Variants in NVL observed in about 807,000 individuals in gnomAD.
NVL encodes the protein nuclear VCP like, also known as nuclear valosin-containing protein-like.
NVL carries 84 observed loss-of-function variants against 110.2 expected under a neutral mutation model. The observed-to-expected ratio is 0.76, with a 90% confidence interval of 0.64 to 0.91. The LOEUF is 0.91. Ranked by LOEUF, NVL falls within the 40% of genes least tolerant of loss-of-function variation. The probability of loss-of-function intolerance (pLI) is 0.00; values close to 1 mark genes in which losing one functional copy is unlikely to be tolerated. For missense variants in NVL, 882 were observed against 1,035.9 expected, an observed-to-expected ratio of 0.85 and a Z score of 2.04; for synonymous variants, 354 against 361.1, an observed-to-expected ratio of 0.98 and a Z score of 0.22.
At chr1:224,281,219 C>G (rs79564051) in intron 15 of NVL, 34 bp from the exon 16 acceptor site, 59 of 1,524,022 alleles carry the variant, frequency 3.9e-5, no homozygotes, top group Middle Eastern at 1.7e-4. Context: ...ACAAATAAGA[C>G]CAATACACAG....
chr1:224,305,318 C>T (rs1668809306), intron 6 of NVL, 152 bp from the exon 7 acceptor site: 5 of 693,832 alleles, frequency 7.2e-6, no homozygotes, highest in Admixed American at 3.1e-5. Flanking sequence ...CTCAAAGATG[C>T]TGTCTATTGT....
In NVL at chr1:224,289,647, C is replaced by A; in HGVS notation, c.1412G>T (p.Gly471Val). The change falls in exon 13 of 23, where the codon GGT (glycine) becomes GTT (valine). Residue 471 changes from glycine to valine, a missense_variant. By Grantham distance (109) the Gly-to-Val change is moderately radical. Around this residue, in one of 4 missense-constraint regions of NVL, gnomAD observed 416 missense variants for 499.3 expected, o/e 0.83. Coordinates refer to ENST00000281701, the MANE Select transcript of NVL (RefSeq NM_002533.4). ...TCGGCACAGTGCCATGAGATCAGCA[C>A]CAACAAAGCCTGGAGTTAGGTGTGC... The part of the protein sequence containing the change: ...HLAHLTPGFV[G>V]ADLMALCREA... 6.2e-7 allele frequency: 1 copy of A among 1,614,224 alleles called. No individual in the cohort carries two copies. The highest frequency in any genetic ancestry group is 8.5e-7 in the Non-Finnish European group (1 of 1,180,048).
chr1:224,254,878 T>G (rs906239321), intron 18 of NVL, among the ~76,000 whole-genome samples: 2 of 2,114 alleles, frequency 9.5e-4, no homozygotes, highest in African/African-American at 1.0e-3. Flanking sequence ...AATGGTGTAG[T>G]TTTTTTTTTT....
intron 18 of NVL, among the ~76,000 whole-genome samples, chr1:224,251,313 A>G (rs998537506): frequency 2.7e-5 from 4 of 150,396 alleles, no homozygotes; most frequent in Admixed American, 2.0e-4. Flanking sequence ...TGAGATGAGA[A>G]TAACCTCTTT....
At position 224,326,224 on chromosome 1, in the gene NVL, A is replaced by G. The variant is rs375465546; in HGVS notation, c.131+167T>C. Among the ~76,000 whole-genome samples, 25 of 152,350 alleles carry G rather than the reference A, an allele frequency of 1.6e-4. 1 individual carries two copies. In the South Asian group the frequency reaches 2.7e-3, roughly 16 times the overall value. On this transcript the variant is annotated intron_variant, in intron 2 of 22. Coordinates refer to ENST00000281701, the MANE Select transcript of NVL (RefSeq NM_002533.4). The stretch of plus-strand genomic sequence containing the variant: ...CAAAAGACATTTTACTGCACATAAT[A>G]GGTATTTGATAAATGTTTGCATAAC...
chr1:224,232,959 A>C, intron 21 of NVL: 311 of 299,210 alleles, frequency 1.0e-3, no homozygotes, highest in Middle Eastern at 3.0e-3. Flanking sequence ...AAGACAGCGA[A>C]TGGATCCATT....
chr1:224,240,257 T>TG (rs1349491853), intron 19 of NVL, among the ~76,000 whole-genome samples: 1 of 152,042 alleles, frequency 6.6e-6, no homozygotes, highest in Non-Finnish European at 1.5e-5. Context: ...TTAGTAGAGA[T>TG]GGGGTTTCAC....
intron 12 of NVL, among the ~76,000 whole-genome samples, chr1:224,290,318 A>G (rs915852070): frequency 6.6e-6 from 1 of 152,218 alleles, no homozygotes; most frequent in Non-Finnish European, 1.5e-5. Flanking sequence ...ATCTTGAACA[A>G]TTTCTGATAA....
chr1:224,263,800 A>T (rs1252305519), intron 18 of NVL, among the ~76,000 whole-genome samples: 2 of 152,052 alleles, frequency 1.3e-5, no homozygotes, highest in Admixed American at 1.3e-4. Context: ...AACATTTTTC[A>T]ATGTATAAAG....
chr1:224,314,141 C>CT lies in NVL; in HGVS notation c.285-2285dup, dbSNP rs376026292. 4.7e-3 allele frequency among the ~76,000 whole-genome samples: 721 copies of CT among 152,262 alleles called. 10 individuals carry two copies. Among genetic ancestry groups the CT allele is most frequent in the African/African-American group, 0.016 (678 of 41,536 alleles). The stretch of plus-strand genomic sequence containing the variant: ...TGTTGGGAGTATAAACTGAGGCAAC[C>CT]TTTTTAGGAAGGTAAGTCCAAATGC... On this transcript the variant is annotated intron_variant, in intron 4 of 22. Transcript: ENST00000281701.
intron 17 of NVL, among the ~76,000 whole-genome samples, chr1:224,272,343 A>T (rs1203626237): frequency 2.1e-5 from 3 of 145,380 alleles, no homozygotes; most frequent in Non-Finnish European, 3.0e-5. Flanking sequence ...ACTCTGTTTT[A>T]AAAAAAAAAA....
chr1:224,316,914 G>A (rs1558355976), intron 4 of NVL, among the ~76,000 whole-genome samples: 2 of 152,024 alleles, frequency 1.3e-5, no homozygotes, highest in South Asian at 4.1e-4. Context: ...AAGATGTGCG[G>A]ATCACTAGAA....
At chr1:224,293,102 C>T (rs1667531953) in intron 12 of NVL, among the ~76,000 whole-genome samples, 1 of 145,726 alleles carries the variant, frequency 6.9e-6, no homozygotes, top group Admixed American at 7.1e-5. Context: ...CAGAGTCTTG[C>T]TCTGTCGCCC....
At chr1:224,275,812 G>A (rs1384609827) in intron 16 of NVL, among the ~76,000 whole-genome samples, 1 of 152,076 alleles carries the variant, frequency 6.6e-6, no homozygotes, top group East Asian at 1.9e-4. Flanking sequence ...AAAATATCCA[G>A]CAGTAATTTT....
intron 19 of NVL, chr1:224,236,785 C>A: frequency 2.2e-6 from 1 of 460,886 alleles, no homozygotes; most frequent in East Asian, 4.3e-5. Flanking sequence ...ATGGTATGCA[C>A]CTGTAGTCCC....
At chr1:224,317,616 C>G (rs1268555403) in intron 4 of NVL, 78 bp downstream of exon 4, 7 of 824,610 alleles carry the variant, frequency 8.5e-6, no homozygotes, top group Non-Finnish European at 1.4e-5. Flanking sequence ...CAATGAAGAG[C>G]CACTGAAAGT....
intron 6 of NVL, among the ~76,000 whole-genome samples, chr1:224,305,699 T>C (rs1163858032): frequency 6.6e-6 from 1 of 152,060 alleles, no homozygotes; most frequent in Non-Finnish European, 1.5e-5. Flanking sequence ...CCCACCACCA[T>C]GCCCAGCTAA....
At chr1:224,311,734 C>A in intron 5 of NVL, 66 bp downstream of exon 5, 2 of 1,248,432 alleles carry the variant, frequency 1.6e-6, no homozygotes, top group South Asian at 2.4e-5. Flanking sequence ...CTGAGTTTTT[C>A]AAGGGAGGTA....
chr1:224,313,171 A>AAAC (rs1490099350), intron 4 of NVL: 1 of 281,844 alleles, frequency 3.5e-6, no homozygotes, highest in African/African-American at 2.3e-5. Context: ...AAAAAAAAAA[A>AAAC]AAAAAAAAAC....
Sources: gnomAD v4.1 joint callset for allele counts (sites outside exome capture counted in the v4.1 genomes callset) on GRCh38, gnomAD v4.1.1 for gene constraint, gnomAD v4.1.1 regional missense constraint, MANE v1.5 for transcripts, NCBI Gene and HGNC (gene_info 2026-07-23, HGNC 2026-07-21) for gene names.